PCDHGA2: variants seen among roughly 807,000 people sequenced by gnomAD.
PCDHGA2 encodes protocadherin gamma-A2.
A neutral mutation model predicts 59.2 loss-of-function variants in PCDHGA2; 40 were observed. The ratio of observed to expected loss-of-function variants is 0.68; its 90% CI spans 0.52 to 0.88. PCDHGA2 has a LOEUF of 0.88. Ranked by LOEUF, PCDHGA2 falls within the 40% of genes least tolerant of loss-of-function variation. PCDHGA2 has a pLI of 0.00. For synonymous variants in PCDHGA2, 560 were observed against 526.0 expected (o/e 1.06, Z -0.89); for missense variants, 1,226 against 1,204.0 (o/e 1.02, Z -0.27).
intron 1 of PCDHGA2, chr5:141,393,996 G>C (rs1379037065): frequency 3.1e-6 from 5 of 1,613,290 alleles, no homozygotes; most frequent in East Asian, 2.2e-5. Flanking sequence ...TTTTAAATTA[G>C]AAAAGTCAAT....
intron 1 of PCDHGA2, among the ~76,000 whole-genome samples, chr5:141,450,894 G>C (rs919860611): frequency 6.7e-6 from 1 of 148,956 alleles, no homozygotes; most frequent in Admixed American, 6.7e-5. Context: ...GTGCGATATC[G>C]GCTCACTGCA....
chr5:141,385,231 A>G (rs1781024340), intron 1 of PCDHGA2: 1 of 1,614,136 alleles, frequency 6.2e-7, no homozygotes, highest in Non-Finnish European at 8.5e-7. Flanking sequence ...CTATGTAGAC[A>G]TGCTCATCAG....
At position 141,487,915 on chromosome 5, in the gene PCDHGA2, G is replaced by T; in HGVS notation, c.2425-6892G>T. The T allele has an allele frequency of 1.5e-6, 1 of 655,128 alleles. No homozygotes were observed. Among genetic ancestry groups the T allele is most frequent in the Middle Eastern group, 3.5e-4 (1 of 2,862 alleles). The allele number at this position is 655,128 out of a possible 1,614,324, so 40.6% of individuals were successfully genotyped here. ...GATGATGGAATGTGGGAGCACAGGA[G>T]GCTACAGTGCACAGGGTACAGTGCA... On this transcript the variant is annotated intron_variant, in intron 1 of 3. Coordinates refer to ENST00000394576, the MANE Select transcript of PCDHGA2 (RefSeq NM_018915.4). This position sits in a 1 kb window ranked among gnomAD's most constrained non-coding sequence, Gnocchi z 5.0.
chr5:141,456,043 G>A (rs62379189), intron 1 of PCDHGA2, among the ~76,000 whole-genome samples: 6,917 of 151,746 alleles, frequency 0.046, 202 homozygotes, highest in Middle Eastern at 0.086. Flanking sequence ...GACTACAGGC[G>A]CCCACCACCA....
chr5:141,486,011 T>C lies in PCDHGA2; in HGVS notation c.2425-8796T>C. The C allele has an allele frequency of 6.2e-7, 1 of 1,614,188 alleles. No individual in the cohort carries two copies. Among genetic ancestry groups the C allele is most frequent in the Non-Finnish European group, 8.5e-7 (1 of 1,180,014 alleles). ...GGGTCCCAGTGGTAACGTCACCTTTTATTTCAGTGGTCATACCCCTGATCG... is the reference window on the plus strand; with the variant it reads ...GGGTCCCAGTGGTAACGTCACCTTTCATTTCAGTGGTCATACCCCTGATCG... On this transcript the variant is annotated intron_variant, in intron 1 of 3. Coordinates refer to ENST00000394576, the MANE Select transcript of PCDHGA2 (RefSeq NM_018915.4). This position sits in a 1 kb window ranked among gnomAD's most constrained non-coding sequence, Gnocchi z 5.0.
intron 1 of PCDHGA2, chr5:141,403,543 G>C (rs1228327431): frequency 1.2e-6 from 2 of 1,614,006 alleles, no homozygotes; most frequent in Non-Finnish European, 1.7e-6. Context: ...TGGTGCTGGA[G>C]CGCGCCCTGG....
At chr5:141,418,000 G>T in intron 1 of PCDHGA2, 1 of 1,613,902 alleles carries the variant, frequency 6.2e-7, no homozygotes, top group Non-Finnish European at 8.5e-7. Context: ...GCTCGGTGGT[G>T]GGGAACCTCG....
intron 1 of PCDHGA2, chr5:141,345,577 A>G: frequency 6.2e-7 from 1 of 1,614,160 alleles, no homozygotes; most frequent in Non-Finnish European, 8.5e-7. Context: ...GGCGTCCTAT[A>G]CGCGCTGAGA....
rs765176989 is a variant in PCDHGA2, at chr5:141,350,711, C to T, written c.2424+9316C>T. On this transcript the variant is annotated intron_variant, in intron 1 of 3. Coordinates refer to ENST00000394576, the MANE Select transcript of PCDHGA2 (RefSeq NM_018915.4). ...AGCCTTACCCGGGGTAAAATTCTCT[C>T]TGGATTCTGCTCAAGATGCAGATGT... 3.1e-6 allele frequency: 5 copies of T among 1,613,962 alleles called. No individual in the cohort carries two copies. The East Asian group carries it at 8.9e-5, about 29-fold the overall frequency.
intron 1 of PCDHGA2, chr5:141,399,475 C>G: frequency 1.2e-6 from 2 of 1,614,022 alleles, no homozygotes; most frequent in Non-Finnish European, 1.7e-6. Context: ...GGTTTTCCAC[C>G]AGGCGTCCTA....
chr5:141,409,087 T>C (rs753624565), intron 1 of PCDHGA2: 1 of 1,613,990 alleles, frequency 6.2e-7, no homozygotes, highest in Admixed American at 1.7e-5. Flanking sequence ...TCTCATTGGA[T>C]GAGAAAACAG....
intron 1 of PCDHGA2, chr5:141,404,242 G>T (rs372976589): frequency 1.2e-6 from 2 of 1,613,462 alleles, no homozygotes; most frequent in Non-Finnish European, 1.7e-6. Flanking sequence ...GAGGAACTCC[G>T]CCCCTGTCCA....
intron 1 of PCDHGA2, among the ~76,000 whole-genome samples, chr5:141,455,138 TTAAA>T (rs1193499111): frequency 1.3e-5 from 2 of 151,028 alleles, no homozygotes; most frequent in Admixed American, 1.3e-4. Context: ...TTACACTGTG[TTAAA>T]TAAATATTAG....
intron 1 of PCDHGA2, chr5:141,423,835 C>T (rs1371309974): frequency 1.2e-5 from 15 of 1,278,290 alleles, no homozygotes; most frequent in African/African-American, 9.4e-5. Flanking sequence ...CATGAGATTA[C>T]GATAATCTTT....
chr5:141,405,326 T>C (rs764056952), intron 1 of PCDHGA2: 2 of 1,614,220 alleles, frequency 1.2e-6, no homozygotes, highest in South Asian at 2.2e-5. Context: ...TGAGCCTTTG[T>C]GCGTCTCTGT....
intron 1 of PCDHGA2, chr5:141,393,821 G>A: frequency 6.2e-7 from 1 of 1,613,734 alleles, no homozygotes; most frequent in South Asian, 1.1e-5. Context: ...TGCTCATTTC[G>A]GTGGAAGATG....
chr5:141,415,182 C>T (rs2095840318), intron 1 of PCDHGA2: 2 of 1,613,842 alleles, frequency 1.2e-6, no homozygotes, highest in Non-Finnish European at 1.7e-6. Flanking sequence ...TGGCCGTGGC[C>T]GACAGCATCC....
chr5:141,467,764 TGCCCGCACCTCA>T (rs544344217), intron 1 of PCDHGA2, among the ~76,000 whole-genome samples: 90 of 152,158 alleles, frequency 5.9e-4, no homozygotes, highest in South Asian at 1.0e-3. Context: ...CATGCTCAAG[TGCCCGCACCTCA>T]GCCTCTCAAG....
chr5:141,355,711 C>A, intron 1 of PCDHGA2: 3 of 1,613,998 alleles, frequency 1.9e-6, no homozygotes, highest in Non-Finnish European at 2.5e-6. Flanking sequence ...GCAGGGTTAC[C>A]AGCTCAACTC....
Sources: allele counts gnomAD v4.1 joint callset (sites outside exome capture counted in the v4.1 genomes callset), GRCh38; gene constraint gnomAD v4.1.1; non-coding constraint Gnocchi (gnomAD v3.1); transcripts MANE v1.5; gene names NCBI Gene and HGNC (gene_info 2026-07-23, HGNC 2026-07-21).